SLC35F3: variants seen among roughly 807,000 people sequenced by gnomAD.
The protein encoded by SLC35F3 is solute carrier family 35 member F3, also known as putative thiamine transporter SLC35F3.
A neutral mutation model predicts 49.9 loss-of-function variants in SLC35F3; 25 were observed. The ratio of observed to expected loss-of-function variants is 0.50; its 90% CI spans 0.37 to 0.70. SLC35F3 has a LOEUF of 0.70. SLC35F3 is among the 30% of genes least tolerant of loss of function. The pLI is 0.00. For synonymous variants in SLC35F3, 275 were observed against 265.4 expected, an observed-to-expected ratio of 1.04 and a Z score of -0.35; for missense variants, 525 against 639.8, an observed-to-expected ratio of 0.82 and a Z score of 1.94.
chr1:234,047,074 G>T (rs1021811174), intron 2 of SLC35F3, among the ~76,000 whole-genome samples: 1 of 152,100 alleles, frequency 6.6e-6, no homozygotes, highest in Non-Finnish European at 1.5e-5. Flanking sequence ...GTCAAGTTTT[G>T]TAGAAACGCT....
At chr1:233,907,241 T>C (rs1036802721) in intron 2 of SLC35F3, among the ~76,000 whole-genome samples, 1 of 152,234 alleles carries the variant, frequency 6.6e-6, no homozygotes, top group African/African-American at 2.4e-5. Flanking sequence ...GTCATCTCTT[T>C]GGTGCTTGAA....
intron 4 of SLC35F3, among the ~76,000 whole-genome samples, chr1:234,316,394 C>G (rs1657489915): frequency 1.3e-5 from 2 of 152,328 alleles, no homozygotes; most frequent in African/African-American, 4.8e-5. Context: ...TCAAGCCAAG[C>G]TTTGCTAAGT....
At chr1:234,287,771 G>C (rs898075684) in intron 3 of SLC35F3, among the ~76,000 whole-genome samples, 1 of 152,204 alleles carries the variant, frequency 6.6e-6, no homozygotes, top group African/African-American at 2.4e-5. Flanking sequence ...GCTTGAGGAT[G>C]TAAGACTTAA....
At chr1:233,990,234 G>T (rs943788345) in intron 2 of SLC35F3, among the ~76,000 whole-genome samples, 1 of 151,942 alleles carries the variant, frequency 6.6e-6, no homozygotes, top group Non-Finnish European at 1.5e-5. Flanking sequence ...CATAATTTAC[G>T]TAAAAGTGAC....
At chr1:233,934,550 G>A (rs1361846593) in intron 2 of SLC35F3, among the ~76,000 whole-genome samples, 2 of 152,124 alleles carry the variant, frequency 1.3e-5, no homozygotes, top group Admixed American at 1.3e-4. Flanking sequence ...ATATTTTAAT[G>A]AGCTGTCTTA....
At chr1:234,016,122 T>G (rs994876139) in intron 2 of SLC35F3, among the ~76,000 whole-genome samples, 1 of 152,132 alleles carries the variant, frequency 6.6e-6, no homozygotes, top group Non-Finnish European at 1.5e-5. Context: ...CCTGTCAAAG[T>G]GGCAATTATC....
intron 2 of SLC35F3, among the ~76,000 whole-genome samples, chr1:234,069,701 T>C (rs1174893132): frequency 1.3e-5 from 2 of 151,964 alleles, no homozygotes; most frequent in Non-Finnish European, 2.9e-5. Flanking sequence ...AGAACAGGGG[T>C]CCCAAAGTCC....
intron 2 of SLC35F3, among the ~76,000 whole-genome samples, chr1:233,996,926 C>T (rs1313080486): frequency 3.3e-5 from 5 of 152,142 alleles, no homozygotes; most frequent in South Asian, 4.2e-4. Flanking sequence ...ACCCCCCACC[C>T]CTTACTCTTT....
At chr1:234,187,131 C>T (rs902436995) in intron 2 of SLC35F3, among the ~76,000 whole-genome samples, 35 of 152,168 alleles carry the variant, frequency 2.3e-4, no homozygotes, top group African/African-American at 8.4e-4. Flanking sequence ...AATGTTGATG[C>T]TTTCCATCTG....
At chr1:234,150,995 A>G (rs1473671288) in intron 2 of SLC35F3, among the ~76,000 whole-genome samples, 1 of 152,148 alleles carries the variant, frequency 6.6e-6, no homozygotes, top group African/African-American at 2.4e-5. Flanking sequence ...GCTGACTCCA[A>G]TACCAGGTCA....
At chr1:234,145,885 C>T (rs994244811) in intron 2 of SLC35F3, among the ~76,000 whole-genome samples, 72 of 152,010 alleles carry the variant, frequency 4.7e-4, no homozygotes, top group Non-Finnish European at 7.1e-4. Flanking sequence ...ATTATGTATA[C>T]TGTCCTTTCT....
chr1:234,212,080 A>G (rs1667053538), intron 2 of SLC35F3, among the ~76,000 whole-genome samples: 1 of 152,184 alleles, frequency 6.6e-6, no homozygotes, highest in South Asian at 2.1e-4. Flanking sequence ...GCTGCCATCC[A>G]TGTAAGACGT....
chr1:234,168,946 C>T (rs142247244), intron 2 of SLC35F3, among the ~76,000 whole-genome samples: 2 of 152,124 alleles, frequency 1.3e-5, no homozygotes, highest in East Asian at 1.9e-4. Flanking sequence ...TTATGGAGGC[C>T]GAGAAAGCCA....
intron 2 of SLC35F3, among the ~76,000 whole-genome samples, chr1:234,116,932 C>T (rs1180292780): frequency 6.6e-6 from 1 of 152,168 alleles, no homozygotes; most frequent in Admixed American, 6.5e-5. Context: ...ATCTCAGCCC[C>T]AGCCCTGGAA....
intron 3 of SLC35F3, among the ~76,000 whole-genome samples, chr1:234,291,126 C>T (rs12047514): frequency 3.3e-5 from 5 of 152,184 alleles, no homozygotes; most frequent in Non-Finnish European, 5.9e-5. Flanking sequence ...CGCCACCCCC[C>T]AAACCACCAA....
At chr1:234,134,734 G>A (rs1558238446) in intron 2 of SLC35F3, among the ~76,000 whole-genome samples, 1 of 151,832 alleles carries the variant, frequency 6.6e-6, no homozygotes, top group East Asian at 1.9e-4. Flanking sequence ...TTTTTGGTTT[G>A]TTTTTTTGAG....
At chr1:233,956,701 T>G (rs1662710404) in intron 2 of SLC35F3, among the ~76,000 whole-genome samples, 1 of 152,202 alleles carries the variant, frequency 6.6e-6, no homozygotes, top group African/African-American at 2.4e-5. Context: ...GGAAGGCAAC[T>G]GGGCGTGAGA....
chr1:234,216,148 A>T (rs1667117110), intron 2 of SLC35F3, among the ~76,000 whole-genome samples: 1 of 152,104 alleles, frequency 6.6e-6, no homozygotes, highest in Non-Finnish European at 1.5e-5. Flanking sequence ...GCCCACATGC[A>T]TGTGTGAATT....
chr1:234,288,795 A>G (rs2102984706), intron 3 of SLC35F3, among the ~76,000 whole-genome samples: 1 of 152,348 alleles, frequency 6.6e-6, no homozygotes, highest in South Asian at 2.1e-4. Flanking sequence ...TAGTGGAAGC[A>G]GGGTTCAAAC....
Sources: allele counts gnomAD v4.1 joint callset (sites outside exome capture counted in the v4.1 genomes callset), GRCh38; gene constraint gnomAD v4.1.1; transcripts MANE v1.5; gene names NCBI Gene and HGNC (gene_info 2026-07-23, HGNC 2026-07-21).